Variants in BAIAP3 observed in about 807,000 individuals in gnomAD.
BAIAP3 encodes BAI1-associated protein 3.
In BAIAP3, 180 loss-of-function variants were observed where a neutral mutation model predicts 149.7. That is an observed-to-expected ratio of 1.20 (90% CI 1.07 to 1.36). The LOEUF (loss-of-function observed/expected upper bound fraction) is 1.36. Ranked by LOEUF, BAIAP3 falls within the 40% of genes most tolerant of loss-of-function variation. The pLI is 0.00. For synonymous variants in BAIAP3, 845 were observed against 670.7 expected, an observed-to-expected ratio of 1.26 and a Z score of -4.02; for missense variants, 1,767 against 1,563.4, an observed-to-expected ratio of 1.13 and a Z score of -2.20.
chr16:1,339,680 A>G, intron 5 of BAIAP3, 77 bp downstream of exon 5: 1 of 1,161,680 alleles, frequency 8.6e-7, no homozygotes, highest in Non-Finnish European at 1.3e-6. Flanking sequence ...TGACACCATC[A>G]TCACCCAAAC....
rs755806057 is a variant in BAIAP3, at chr16:1,349,371, T to C, written c.*889T>C. 20 of 1,563,860 alleles carry C rather than the reference T, an allele frequency of 1.3e-5. No homozygotes were observed. In the South Asian group the frequency reaches 1.7e-4, roughly 13 times the overall value. On this transcript the variant is annotated 3_prime_UTR_variant, in exon 34 of 34. Transcript: ENST00000426824. ...CAAAGAGCCGAGGCTGCCAGGCCCA[T>C]TTATGTCCCTCATGTCTCTAGATTT...
At chr16:1,337,028 G>A (rs1011704192) in intron 1 of BAIAP3, among the ~76,000 whole-genome samples, 7 of 152,208 alleles carry the variant, frequency 4.6e-5, no homozygotes, top group Admixed American at 2.0e-4. Context: ...AGGTGGCCTG[G>A]CTCTGGGACA....
chr16:1,347,790 C>G lies in BAIAP3; in HGVS notation c.2994C>G (p.His998Gln), dbSNP rs185896119. 10 of 1,606,796 alleles carry G rather than the reference C, an allele frequency of 6.2e-6. No individual in the cohort carries two copies. Among genetic ancestry groups the G allele is most frequent in the Middle Eastern group, 1.7e-4 (1 of 6,040 alleles). Reference protein sequence around the residue: ...AEQRLAVEVLHAADLLPLDAN... With the variant: ...AEQRLAVEVLQAADLLPLDAN... ...AGCGGCTGGCCGTGGAGGTGCTGCA[C>G]GCCGCGGACCTGCTCCCCCTGGACG... Residue 998 changes from histidine (H) to glutamine (Q), a missense_variant, in exon 31 of 34, where the codon CAC (histidine) becomes CAG (glutamine). Transcript: ENST00000426824.
chr16:1,345,741 C>T lies in BAIAP3; in HGVS notation c.2065-6C>T, dbSNP rs113988372. The T allele has an allele frequency of 3.5e-5, 53 of 1,525,190 alleles. No homozygotes were observed. The African/African-American group carries it at 6.5e-4, about 19-fold the overall frequency. The allele number at this position is 1,525,190 out of a possible 1,614,324, so 94.5% of individuals were successfully genotyped here. A position where few individuals can be genotyped will look rare whatever the true frequency, so the allele number is the denominator to read the frequency against. On this transcript the variant is annotated splice_polypyrimidine_tract_variant and splice_region_variant and intron_variant, in intron 22 of 33. Transcript: ENST00000426824. ...CCAGCAAACCCAGCCTCCCCTGCCTCCCTAGCTGGAGCCCGTGGACGCCTC... is the reference window on the plus strand; with the variant it reads ...CCAGCAAACCCAGCCTCCCCTGCCTTCCTAGCTGGAGCCCGTGGACGCCTC...
Position 1,346,047 on chromosome 16 carries a change from C to T in BAIAP3, c.2270C>T (p.Pro757Leu). The T allele has an allele frequency of 1.2e-5, 20 of 1,611,678 alleles. No homozygotes were observed. The highest frequency in any genetic ancestry group is 1.7e-5 in the Non-Finnish European group (20 of 1,179,564). The change falls in exon 24 of 34, where the codon CCA becomes CTA. Residue 757 changes from proline (P) to leucine (L), a missense_variant. Physicochemically the swap from Pro to Leu is moderately conservative, Grantham distance 98. Transcript: ENST00000426824. ...ELLRKKVDTQ[P>L]GAAGEAVSEA... Reference sequence around the variant, plus strand: ...CTTCGGAAGAAGGTGGACACTCAGCCAGGGGCGGCCGGTGAAGCAGTGAGC... The same window carrying T: ...CTTCGGAAGAAGGTGGACACTCAGCTAGGGGCGGCCGGTGAAGCAGTGAGC...
intron 5 of BAIAP3, among the ~76,000 whole-genome samples, chr16:1,340,213 C>T (rs1296999222): frequency 3.0e-5 from 4 of 132,090 alleles, no homozygotes; most frequent in East Asian, 2.5e-4. Flanking sequence ...GCTGCAGGTG[C>T]ACACAGACAC....
chr16:1,340,531 C>T (rs555015983), intron 5 of BAIAP3, among the ~76,000 whole-genome samples: 41 of 148,010 alleles, frequency 2.8e-4, no homozygotes, highest in African/African-American at 8.7e-4. Flanking sequence ...CACACAGACA[C>T]GCACACACAC....
At position 1,349,015 on chromosome 16, in the gene BAIAP3, C is replaced by T. The variant is rs530906634; in HGVS notation, c.*533C>T. The T allele has an allele frequency of 2.7e-3, 773 of 283,422 alleles. 2 individuals carry two copies. The highest frequency in any genetic ancestry group is 4.0e-3 in the Admixed American group (80 of 19,892). The allele number at this position is 283,422 out of a possible 1,614,324, so 17.6% of individuals were successfully genotyped here. A position where few individuals can be genotyped will look rare whatever the true frequency, so the allele number is the denominator to read the frequency against. On this transcript the variant is annotated 3_prime_UTR_variant, in exon 34 of 34. Coordinates refer to ENST00000426824, the MANE Select transcript of BAIAP3 (RefSeq NM_001199097.2). ...GAACCGCATAGGTCTCCAGTCCCCA[C>T]GGGGCTCCCAGGCCGGGGAAAGGTT...
At chr16:1,334,608 C>G in intron 1 of BAIAP3, 1 of 1,512,052 alleles carries the variant, frequency 6.6e-7, no homozygotes, top group Non-Finnish European at 9.0e-7. Flanking sequence ...CTTCGGGGAG[C>G]CCAAGGCCAC....
intron 18 of BAIAP3, 21 bp from the exon 19 acceptor site, chr16:1,344,580 A>G: frequency 6.2e-7 from 1 of 1,612,632 alleles, no homozygotes; most frequent in Non-Finnish European, 8.5e-7. Context: ...AGAGGTGGGT[A>G]CGAGCTAGGC....
chr16:1,345,432 CTCCCCAGCA>C, intron 22 of BAIAP3, 60 bp downstream of exon 22: 1 of 1,514,602 alleles, frequency 6.6e-7, no homozygotes, highest in African/African-American at 1.4e-5. Flanking sequence ...CCTCCCCCGC[CTCCCCAGCA>C]ACCCCAGCCT....
chr16:1,347,872 G>A (rs745484663), intron 31 of BAIAP3, 22 bp from the exon 32 acceptor site: 38 of 1,609,514 alleles, frequency 2.4e-5, no homozygotes, highest in Non-Finnish European at 3.1e-5. Flanking sequence ...GGGCAGGGGG[G>A]CTCACGACTG....
chr16:1,348,424 C>G lies in BAIAP3; in HGVS notation c.3401C>G (p.Ala1134Gly). The G allele has an allele frequency of 1.2e-6, 2 of 1,612,668 alleles. No homozygotes were observed. Among genetic ancestry groups the G allele is most frequent in the Non-Finnish European group, 1.7e-6 (2 of 1,179,824 alleles). ...RRLEGRTSKEAQEFVKKLKEL... is the reference protein window; with the variant it reads ...RRLEGRTSKEGQEFVKKLKEL... ...CTGGAAGGCCGCACCAGCAAGGAGGCGCAGGAGTTCGTGAAGAAACTCAAG... is the reference window on the plus strand; with the variant it reads ...CTGGAAGGCCGCACCAGCAAGGAGGGGCAGGAGTTCGTGAAGAAACTCAAG... Residue 1134 changes from alanine (A) to glycine (G), a missense_variant, in exon 34 of 34, where the codon GCG (alanine) becomes GGG (glycine). Ala to Gly is a moderately conservative substitution (Grantham distance 60). Transcript: ENST00000426824.
At position 1,344,542 on chromosome 16, in the gene BAIAP3, C is replaced by A. The variant is rs761400635; in HGVS notation, c.1659+17C>A. The A allele has an allele frequency of 6.2e-6, 10 of 1,612,592 alleles. No individual in the cohort carries two copies. The highest frequency in any genetic ancestry group is 7.6e-6 in the Non-Finnish European group (9 of 1,179,916). Reference sequence around the variant, plus strand: ...CGAGAGCAGGTGCAGTTGTGGGGGACCCTGGCCATGAGGGGTACGGGCAGC... The same window carrying A: ...CGAGAGCAGGTGCAGTTGTGGGGGAACCTGGCCATGAGGGGTACGGGCAGC... On this transcript the variant is annotated intron_variant, in intron 18 of 33. Transcript: ENST00000426824.
chr16:1,341,887 C>T (rs768531674), intron 9 of BAIAP3, 21 bp downstream of exon 9: 4 of 1,607,992 alleles, frequency 2.5e-6, no homozygotes, highest in South Asian at 1.1e-5. Context: ...CTGCGCCATG[C>T]AGGGCGGCGG....
In BAIAP3 at chr16:1,348,109, G is replaced by A. The variant is rs747678824; in HGVS notation, c.3163G>A (p.Glu1055Lys). ...CTCTGTCCGCAGTTCCGTGCCTGCCGAGGCGTGCCGCCGCCGCGCGGCCTG... is the reference window on the plus strand; with the variant it reads ...CTCTGTCCGCAGTTCCGTGCCTGCCAAGGCGTGCCGCCGCCGCGCGGCCTG... The part of the protein sequence containing the change: ...DELFYFSVPA[E>K]ACRRRAACVL... Residue 1055 changes from glutamate (E) to lysine (K), a missense_variant, in exon 33 of 34, where the codon GAG (glutamate) becomes AAG (lysine). Physicochemically the swap from Glu to Lys is moderately conservative, Grantham distance 56. Coordinates refer to ENST00000426824, the MANE Select transcript of BAIAP3 (RefSeq NM_001199097.2). The A allele has an allele frequency of 1.1e-5, 18 of 1,603,126 alleles. No homozygotes were observed. Among genetic ancestry groups the A allele is most frequent in the Middle Eastern group, 1.6e-4 (1 of 6,078 alleles).
chr16:1,348,255 GGCTGGGCAGCC>G lies in BAIAP3; in HGVS notation c.3310_3320del (p.Ala1104CysfsTer189). On this transcript the variant is annotated frameshift_variant, in exon 33 of 34. Transcript: ENST00000426824. LOFTEE classifies it high-confidence loss of function. The stretch of plus-strand genomic sequence containing the variant: ...GGCCCCAGGTGGGCGGGGGTGCAAG[GGCTGGGCAGCC>G]TGTCACCCTGCACCTGTGCCGGCCC... The G allele has an allele frequency of 6.2e-7, 1 of 1,603,596 alleles. No homozygotes were observed. Among genetic ancestry groups the G allele is most frequent in the Non-Finnish European group, 8.5e-7 (1 of 1,177,020 alleles).
intron 14 of BAIAP3, 55 bp downstream of exon 14, chr16:1,343,071 G>A: frequency 2.0e-6 from 3 of 1,508,072 alleles, no homozygotes; most frequent in Non-Finnish European, 2.7e-6. Flanking sequence ...TGAGCGAGTG[G>A]GGCATCGGGG....
Position 1,346,125 on chromosome 16 carries a change from T to C in BAIAP3, c.2302-45T>C, listed in dbSNP as rs564184540. On this transcript the variant is annotated intron_variant, in intron 24 of 33. Coordinates refer to ENST00000426824, the MANE Select transcript of BAIAP3 (RefSeq NM_001199097.2). Reference sequence around the variant, plus strand: ...GGAGCCGGCAGGAGGTGGGGGGCCATCACCAGGCCCCGGACCCATCGTTGC... The same window carrying C: ...GGAGCCGGCAGGAGGTGGGGGGCCACCACCAGGCCCCGGACCCATCGTTGC... 6 of 1,605,506 alleles carry C rather than the reference T, an allele frequency of 3.7e-6. No individual in the cohort carries two copies. In the African/African-American group the frequency reaches 8.0e-5, roughly 21 times the overall value.
Sources: allele counts gnomAD v4.1 joint callset (sites outside exome capture counted in the v4.1 genomes callset), GRCh38; gene constraint gnomAD v4.1.1; transcripts MANE v1.5; gene names NCBI Gene and HGNC (gene_info 2026-07-23, HGNC 2026-07-21).